Variants in RPS9 observed in about 807,000 individuals in gnomAD.
RPS9 encodes small ribosomal subunit protein uS4.
A neutral mutation model predicts 16.9 loss-of-function variants in RPS9; 1 was observed. The ratio of observed to expected loss-of-function variants is 0.06; its 90% CI spans 0.02 to 0.28. RPS9 has a LOEUF of 0.28. RPS9 is among the 10% of genes least tolerant of loss of function. The pLI, the probability that RPS9 is intolerant of heterozygous loss-of-function variation, is 1.00. For synonymous variants in RPS9, 106 were observed against 110.9 expected (o/e 0.96, Z 0.28); for missense variants, 137 against 273.2 (o/e 0.50, Z 3.51).
At chr19:54,201,090 T>C in intron 1 of RPS9, 70 bp from the exon 2 acceptor site, 2 of 1,587,772 alleles carry the variant, frequency 1.3e-6, no homozygotes, top group East Asian at 2.3e-5. Flanking sequence ...CTCCGCGAGG[T>C]TTTGGCGTAG....
At chr19:54,201,676 T>G (rs1485890074) in intron 3 of RPS9, 67 bp downstream of exon 3, 3 of 1,599,212 alleles carry the variant, frequency 1.9e-6, no homozygotes, top group Non-Finnish European at 1.7e-6. Context: ...TCCCTTCTGT[T>G]GCCTCTGTTC....
intron 3 of RPS9, among the ~76,000 whole-genome samples, chr19:54,204,257 G>T (rs1292747946): frequency 6.6e-6 from 1 of 152,152 alleles, no homozygotes; most frequent in African/African-American, 2.4e-5. Flanking sequence ...GGTGGCGCAT[G>T]CCTTTAATCC....
chr19:54,201,361 A>G (rs2077044194), intron 2 of RPS9, 80 bp downstream of exon 2: 6 of 1,609,058 alleles, frequency 3.7e-6, no homozygotes, highest in South Asian at 1.1e-5. Flanking sequence ...CATGTACTCT[A>G]TCTAGTCCGT....
intron 3 of RPS9, among the ~76,000 whole-genome samples, chr19:54,205,007 A>G (rs2077191726): frequency 6.6e-6 from 1 of 152,128 alleles, no homozygotes. Context: ...CTTTCTTTCA[A>G]ACTTTGCTTG....
intron 4 of RPS9, chr19:54,207,101 C>T (rs980039785): frequency 8.5e-6 from 4 of 470,764 alleles, no homozygotes; most frequent in Admixed American, 3.9e-5. Flanking sequence ...ATTTCAGACT[C>T]GGAACTTGGG....
intron 4 of RPS9, 123 bp from the exon 5 acceptor site, chr19:54,207,275 C>T: frequency 1.3e-6 from 1 of 767,070 alleles, no homozygotes; most frequent in Non-Finnish European, 2.1e-6. Context: ...ACCCTTCCTG[C>T]AGCGCCTTGG....
rs769035418 is a variant in RPS9 at position 54,201,623 on chromosome 19, T to C, written c.220+14T>C. ...GTCTGTTCGAAGGTGCGTATGGGAG[T>C]CCACAGCAGAGGGATGGGGTGCAGG... is the stretch of plus-strand genomic sequence containing the variant. On this transcript the variant is annotated intron_variant, in intron 3 of 4. Coordinates refer to ENST00000302907, the MANE Select transcript of RPS9 (RefSeq NM_001013.4). 1 of 1,613,814 alleles carries C rather than the reference T, an allele frequency of 6.2e-7. No homozygotes were observed. The highest frequency in any genetic ancestry group is 2.2e-5 in the East Asian group (1 of 44,878).
At chr19:54,205,212 CG>C (rs370618264) in intron 3 of RPS9, among the ~76,000 whole-genome samples, 8 of 151,978 alleles carry the variant, frequency 5.3e-5, no homozygotes, top group African/African-American at 1.4e-4. Context: ...TAGCAGTGAG[CG>C]GGAGCCTAGG....
intron 3 of RPS9, chr19:54,202,783 A>G: frequency 2.0e-6 from 2 of 985,462 alleles, no homozygotes; most frequent in Non-Finnish European, 2.4e-6. Context: ...GAGAGTGGTC[A>G]TCCATGTTAG....
chr19:54,207,288 T>C, intron 4 of RPS9, 110 bp from the exon 5 acceptor site: 1 of 894,980 alleles, frequency 1.1e-6, no homozygotes, highest in Non-Finnish European at 1.7e-6. Context: ...CGCCTTGGTG[T>C]CTGCAGCCGT....
intron 1 of RPS9, 123 bp downstream of exon 1, chr19:54,201,011 A>C (rs2077023069): frequency 6.9e-7 from 1 of 1,447,920 alleles, no homozygotes; most frequent in Non-Finnish European, 9.1e-7. Context: ...ACGGGAGTGC[A>C]GCACGGTTGT....
intron 2 of RPS9, 34 bp from the exon 3 acceptor site, chr19:54,201,453 G>T (rs1568885667): frequency 6.2e-7 from 1 of 1,613,774 alleles, no homozygotes; most frequent in Admixed American, 1.7e-5. Flanking sequence ...CCAGTACGTG[G>T]GACTACACTT....
chr19:54,202,757 C>T (rs563645821), intron 3 of RPS9: 1 of 985,362 alleles, frequency 1.0e-6, no homozygotes, highest in East Asian at 1.1e-4. Flanking sequence ...ACACCTGAGC[C>T]CTGACTGTTA....
rs895961361 is a variant in RPS9 at position 54,203,393 on chromosome 19, A to T, written c.220+1784A>T. ...TGATTCAGATCCTGCCTTTCCCACT[A>T]AGATGTGTGACTAGCGAGATTCTGA... On this transcript the variant is annotated intron_variant, in intron 3 of 4. Transcript: ENST00000302907. The T allele has an allele frequency of 2.3e-5, 17 of 754,772 alleles. No individual in the cohort carries two copies. The African/African-American group carries it at 3.2e-4, about 14-fold the overall frequency. The allele number at this position is 754,772 out of a possible 1,614,324, so 46.8% of individuals were successfully genotyped here. A position where few individuals can be genotyped will look rare whatever the true frequency, so the allele number is the denominator to read the frequency against.
intron 3 of RPS9, chr19:54,202,328 G>A (rs1273723540): frequency 3.2e-6 from 2 of 634,110 alleles, no homozygotes; most frequent in Non-Finnish European, 3.9e-6. Context: ...TGGAATCACA[G>A]GCATGGGCCA....
chr19:54,203,539 C>G (rs960498353), intron 3 of RPS9, among the ~76,000 whole-genome samples: 5 of 152,014 alleles, frequency 3.3e-5, no homozygotes, highest in African/African-American at 1.2e-4. Context: ...CCGAGGTGGT[C>G]GGATCACTTG....
At chr19:54,201,438 T>C (rs1490354319) in intron 2 of RPS9, 49 bp from the exon 3 acceptor site, 2 of 1,612,388 alleles carry the variant, frequency 1.2e-6, no homozygotes, top group Non-Finnish European at 1.7e-6. Context: ...AGTCTAGTTG[T>C]TGTGCCAGTA....
In RPS9 at chr19:54,206,161, T is replaced by TGCCTC. The variant is rs1393973240; in HGVS notation, c.221-115_221-114insGCCTC. ...GACATGGGTCACGGTGATGGCGCTGTACTACTTGTGCCTCACCGCCGCGGC... is the reference window on the plus strand; with the variant it reads ...GACATGGGTCACGGTGATGGCGCTGTGCCTCACTACTTGTGCCTCACCGCCGCGGC... On this transcript the variant is annotated intron_variant, in intron 3 of 4. Coordinates refer to ENST00000302907, the MANE Select transcript of RPS9 (RefSeq NM_001013.4). The TGCCTC allele has an allele frequency of 1.7e-5, 17 of 1,000,786 alleles. No homozygotes were observed. The East Asian group carries it at 4.4e-4, about 26-fold the overall frequency. 62.0% of individuals were successfully genotyped at this position (1,000,786 alleles called of 1,614,324 possible).
intron 4 of RPS9, chr19:54,206,837 A>G (rs561764799): frequency 3.9e-5 from 35 of 907,918 alleles, no homozygotes; most frequent in Admixed American, 1.8e-4. Context: ...ACCCCGATCC[A>G]TGACTGCGTT....
Sources: allele counts gnomAD v4.1 joint callset (sites outside exome capture counted in the v4.1 genomes callset), GRCh38; gene constraint gnomAD v4.1.1; transcripts MANE v1.5; gene names NCBI Gene and HGNC (gene_info 2026-07-23, HGNC 2026-07-21).